CFAP70: variants seen among roughly 807,000 people sequenced by gnomAD.
The protein encoded by CFAP70 is cilia- and flagella-associated protein 70.
Under a neutral mutation model 137.6 loss-of-function variants are expected in CFAP70, and 81 were observed. The ratio of observed to expected loss-of-function variants is 0.59; its 90% CI spans 0.49 to 0.71. CFAP70 has a LOEUF of 0.71. Among genes scored for constraint, CFAP70 ranks in the 30% least tolerant of loss-of-function variants. CFAP70 has a pLI of 0.00. For missense variants in CFAP70, 976 were observed against 1,226.7 expected (o/e 0.80, Z 3.05); for synonymous variants, 382 against 423.6 (o/e 0.90, Z 1.20).
chr10:73,354,859 G>T, intron 1 of CFAP70, 24 bp from the exon 2 acceptor site: 1 of 1,384,496 alleles, frequency 7.2e-7, no homozygotes. Flanking sequence ...GAATCAACCT[G>T]TCCCCTCATG....
intron 15 of CFAP70, chr10:73,295,198 C>T (rs746514286): frequency 5.0e-4 from 77 of 152,912 alleles, no homozygotes; most frequent in Admixed American, 1.2e-3. Context: ...CACCTGTAGT[C>T]CCAGCTACTT....
At chr10:73,347,168 G>A (rs574430032) in intron 4 of CFAP70, 49 of 152,304 alleles carry the variant, frequency 3.2e-4, no homozygotes, top group Admixed American at 1.2e-3. Context: ...GGAGTAATGG[G>A]AGATGAGGTT....
At chr10:73,318,506 G>C (rs75734187) in intron 9 of CFAP70, among the ~76,000 whole-genome samples, 16,083 of 151,944 alleles carry the variant, frequency 0.11, 1,230 homozygotes, top group East Asian at 0.31. Flanking sequence ...ATAATAAAAG[G>C]GACAGTTAAA....
chr10:73,255,691 C>A (rs1004563992), intron 26 of CFAP70, among the ~76,000 whole-genome samples: 1 of 151,956 alleles, frequency 6.6e-6, no homozygotes, highest in Non-Finnish European at 1.5e-5. Flanking sequence ...ACCACAGGTG[C>A]CCACCAAGAC....
rs768778514 is a variant in CFAP70 at position 73,341,425 on chromosome 10, C to T, written c.556G>A (p.Glu186Lys). Residue 186 changes from glutamate to lysine, a missense_variant, in exon 6 of 27, where the codon GAA (glutamate) becomes AAA (lysine). Transcript: ENST00000310715. ...TCAGGATGGTTGAGTTCTCCTTCTT[C>T]TTCTTCATAGGGACCACCAACAATG... 6 of 1,613,142 alleles carry T rather than the reference C, an allele frequency of 3.7e-6. No homozygotes were observed. In the Admixed American group the frequency reaches 8.4e-5, roughly 22 times the overall value.
At chr10:73,265,792 G>A (rs2045695636) in intron 25 of CFAP70, among the ~76,000 whole-genome samples, 1 of 151,128 alleles carries the variant, frequency 6.6e-6, no homozygotes, top group Non-Finnish European at 1.5e-5. Context: ...AGCACTCAGT[G>A]TTAATTGTTG....
intron 3 of CFAP70, among the ~76,000 whole-genome samples, chr10:73,349,944 C>T (rs1408732009): frequency 6.6e-6 from 1 of 152,118 alleles, no homozygotes; most frequent in African/African-American, 2.4e-5. Context: ...CCTAGAAAAC[C>T]ACAATCAGTT....
rs202079500 is a variant in CFAP70, at chr10:73,274,454, G to A, written c.2814C>T (p.Leu938=). ...TCACCTCTTTCTCTTCCAGATAGAT[G>A]AGCCCCAGTCTCAGGAAGATGAAGT... Residue 938 remains leucine, a synonymous_variant, in exon 23 of 27, where the codon CTC becomes CTT. Transcript: ENST00000310715. 5.3e-5 allele frequency: 86 copies of A among 1,612,982 alleles called. No individual in the cohort carries two copies. The Middle Eastern group carries it at 1.3e-3, about 25-fold the overall frequency.
chr10:73,307,629 A>G (rs2049500497), intron 12 of CFAP70, among the ~76,000 whole-genome samples: 1 of 152,184 alleles, frequency 6.6e-6, no homozygotes, highest in African/African-American at 2.4e-5. Context: ...AGGACATTAA[A>G]TATTGATAAA....
intron 4 of CFAP70, 45 bp from the exon 5 acceptor site, chr10:73,348,280 T>C (rs756399921): frequency 2.5e-6 from 4 of 1,596,810 alleles, no homozygotes; most frequent in Non-Finnish European, 3.4e-6. Context: ...AAGGGTTAAG[T>C]TGGGATGACT....
intron 8 of CFAP70, among the ~76,000 whole-genome samples, chr10:73,329,107 T>G (rs991166822): frequency 2.6e-5 from 4 of 152,014 alleles, no homozygotes; most frequent in Non-Finnish European, 5.9e-5. Context: ...CCAACAATGA[T>G]AGACTGGATT....
chr10:73,277,351 T>A (rs1468589019), exon 21 of CFAP70: 2 of 1,612,954 alleles, frequency 1.2e-6, no homozygotes, highest in South Asian at 2.2e-5. Flanking sequence ...AATCTTGACA[T>A]TTTGATGCTT....
intron 19 of CFAP70, among the ~76,000 whole-genome samples, chr10:73,286,132 C>T (rs1049299050): frequency 2.6e-5 from 4 of 152,082 alleles, no homozygotes; most frequent in Admixed American, 1.3e-4. Flanking sequence ...AATAGGCCTT[C>T]ACAGGAATTA....
intron 24 of CFAP70, among the ~76,000 whole-genome samples, chr10:73,272,215 A>T (rs1188099411): frequency 1.3e-5 from 2 of 152,018 alleles, no homozygotes; most frequent in African/African-American, 4.8e-5. Flanking sequence ...GGCACCTGTA[A>T]TCCCAGCTAC....
chr10:73,348,317 T>C (rs776089758), intron 4 of CFAP70, 82 bp from the exon 5 acceptor site: 4 of 1,551,140 alleles, frequency 2.6e-6, no homozygotes, highest in African/African-American at 2.7e-5. Flanking sequence ...GTGCCTACTT[T>C]TCCCCTCAAA....
chr10:73,355,360 C>A (rs1162673355), intron 1 of CFAP70, among the ~76,000 whole-genome samples: 1 of 152,204 alleles, frequency 6.6e-6, no homozygotes, highest in Non-Finnish European at 1.5e-5. Context: ...AGGTTGTGCA[C>A]TCCTTATAAG....
rs2047534818 is a variant in CFAP70, at chr10:73,284,760, A to C, written c.2240-6423T>G. The stretch of plus-strand genomic sequence containing the variant: ...GCCACATATATATATATATATATAT[A>C]TATATATATATATATATATATATAT... On this transcript the variant is annotated intron_variant, in intron 19 of 26. Coordinates refer to ENST00000310715, the Ensembl canonical transcript of CFAP70. 5.7e-4 allele frequency among the ~76,000 whole-genome samples: 14 copies of C among 24,766 alleles called. 2 individuals are homozygous for C. Among genetic ancestry groups the C allele is most frequent in the African/African-American group, 2.7e-3 (13 of 4,750 alleles). 16.2% of individuals were successfully genotyped at this position (24,766 alleles called of 152,430 possible).
At chr10:73,360,169 G>C (rs563040032), upstream of CFAP70, among the ~76,000 whole-genome samples, 14 of 152,290 alleles carry the variant, frequency 9.2e-5, no homozygotes, top group South Asian at 2.9e-3. Flanking sequence ...TGGTAGTGTT[G>C]TACCAATATT....
intron 1 of CFAP70, among the ~76,000 whole-genome samples, chr10:73,355,507 G>A (rs769429114): frequency 3.3e-5 from 5 of 152,124 alleles, no homozygotes; most frequent in Admixed American, 6.5e-5. Flanking sequence ...GGCTAGGCAC[G>A]GTGGCTCACG....
Sources: allele counts gnomAD v4.1 joint callset (sites outside exome capture counted in the v4.1 genomes callset), GRCh38; gene constraint gnomAD v4.1.1; transcripts MANE v1.5; gene names NCBI Gene and HGNC (gene_info 2026-07-23, HGNC 2026-07-21).